Variants in ZNF687 observed in about 807,000 individuals in gnomAD.
The protein encoded by ZNF687 is zinc finger protein 687.
A neutral mutation model predicts 71.8 loss-of-function variants in ZNF687; 13 were observed. The observed-to-expected ratio is 0.18, with a 90% confidence interval of 0.12 to 0.29. The LOEUF is 0.29. Ranked by LOEUF, ZNF687 falls within the 10% of genes least tolerant of loss-of-function variation. ZNF687 has a pLI of 1.00. For missense variants in ZNF687, 1,412 were observed against 1,625.6 expected (o/e 0.87, Z 2.26); for synonymous variants, 673 against 641.6 (o/e 1.05, Z -0.74).
chr1:151,291,828 G>GTAA lies in ZNF687; in HGVS notation c.*628_*630dup, dbSNP rs946237370. The GTAA allele has an allele frequency of 5.9e-5, 9 of 152,538 alleles. No individual in the cohort carries two copies. The highest frequency in any genetic ancestry group is 2.1e-4 in the South Asian group (1 of 4,834). The allele number at this position is 152,538 out of a possible 1,614,324, so 9.4% of individuals were successfully genotyped here. ...CTCTCAGGAATCCTTTATTCTTGTA[G>GTAA]TAATAATAATACTAACAAACAGTTG... On this transcript the variant is annotated 3_prime_UTR_variant, in exon 9 of 9. Coordinates refer to ENST00000336715, the MANE Select transcript of ZNF687 (RefSeq NM_020832.3).
rs1329176287 is a variant in ZNF687, at chr1:151,286,599, C to T, written c.308C>T (p.Ala103Val). 4 of 1,614,088 alleles carry T rather than the reference C, an allele frequency of 2.5e-6. No individual in the cohort carries two copies. Among genetic ancestry groups the T allele is most frequent in the Admixed American group, 3.3e-5 (2 of 60,008 alleles). ...EQSEALAGGS[A>V]GDGAQAAGVT... The stretch of plus-strand genomic sequence containing the variant: ...TCTGAGGCCCTGGCTGGAGGCTCAG[C>T]AGGAGACGGGGCCCAGGCTGCTGGG... Residue 103 changes from alanine (A) to valine (V), a missense_variant, in exon 2 of 9, where the codon GCA becomes GTA. Ala to Val is a moderately conservative substitution (Grantham distance 64). Coordinates refer to ENST00000336715, the MANE Select transcript of ZNF687 (RefSeq NM_020832.3).
chr1:151,284,108 G>A, intron 1 of ZNF687: 7 of 985,340 alleles, frequency 7.1e-6, no homozygotes, highest in Non-Finnish European at 7.2e-6. Context: ...TTGAGGCTAG[G>A]TGAAACTTCC....
intron 3 of ZNF687, among the ~76,000 whole-genome samples, 183 bp from the exon 4 acceptor site, chr1:151,288,912 T>G (rs1366180636): frequency 6.6e-6 from 1 of 152,188 alleles, no homozygotes; most frequent in Non-Finnish European, 1.5e-5. Flanking sequence ...GAGCTCCAGC[T>G]CTCCCTTGGC....
Position 151,289,827 on chromosome 1 carries a change from G to A in ZNF687, c.2784G>A (p.Glu928=), listed in dbSNP as rs775063654. ...AGGAGTCGTCTTCATCTTCAGAAGAGGAGGAAGTACCCAGCTCCCCTGAGC... is the reference window on the plus strand; with the variant it reads ...AGGAGTCGTCTTCATCTTCAGAAGAAGAGGAAGTACCCAGCTCCCCTGAGC... ...ATEESSSSSE[E]EEVPSSPEPP... Residue 928 remains glutamate (E), a synonymous_variant, in exon 6 of 9, where the codon GAG becomes GAA. Coordinates refer to ENST00000336715, the MANE Select transcript of ZNF687 (RefSeq NM_020832.3). The A allele has an allele frequency of 2.0e-5, 31 of 1,569,546 alleles. No homozygotes were observed. The highest frequency in any genetic ancestry group is 2.2e-5 in the Non-Finnish European group (26 of 1,156,782).
chr1:151,283,700 A>T, intron 1 of ZNF687: 1 of 453,358 alleles, frequency 2.2e-6, no homozygotes, highest in Non-Finnish European at 2.9e-6. Flanking sequence ...AACCAGGCTT[A>T]GGAGCCAGGC....
At chr1:151,282,998 C>T (rs1192159111) in intron 1 of ZNF687, 2 of 524,690 alleles carry the variant, frequency 3.8e-6, no homozygotes, top group African/African-American at 2.1e-5. Context: ...CTCCTCCCCT[C>T]TTTCCAGCTC....
chr1:151,286,023 T>G (rs1337812397), intron 1 of ZNF687: 2 of 310,422 alleles, frequency 6.4e-6, no homozygotes, highest in African/African-American at 4.3e-5. Context: ...TTCCCTGTAT[T>G]TCTAAGAACT....
At chr1:151,284,370 G>A (rs1436294190) in intron 1 of ZNF687, 5 of 623,972 alleles carry the variant, frequency 8.0e-6, no homozygotes, top group Middle Eastern at 7.9e-4. Context: ...GGTAGTGAGC[G>A]AGCAGCAGGT....
In ZNF687 at chr1:151,287,371, T is replaced by C; in HGVS notation, c.1080T>C (p.Ala360=). 1 of 1,614,160 alleles carries C rather than the reference T, an allele frequency of 6.2e-7. No homozygotes were observed. The highest frequency in any genetic ancestry group is 1.6e-4 in the Middle Eastern group (1 of 6,062). The change falls in exon 2 of 9, where the codon GCT becomes GCC. Residue 360 remains alanine, a synonymous_variant. Transcript: ENST00000336715. The surrounding 1 kb of genome is among the most constrained non-coding windows in gnomAD (Gnocchi z 5.0). ...ATCCTGATCCACCTGCCCCCTTGGC[T>C]GAGGGGGCCTTCTTGGCTGAGGCTA... ...PSDPDPPAPL[A]EGAFLAEASL...
At chr1:151,290,064 G>T in intron 6 of ZNF687, 57 bp downstream of exon 6, 2 of 1,608,848 alleles carry the variant, frequency 1.2e-6, no homozygotes, top group African/African-American at 1.3e-5. Flanking sequence ...GACTGCCAGT[G>T]TGACAGTGGG....
chr1:151,284,208 G>T (rs1339556503), intron 1 of ZNF687: 3 of 985,260 alleles, frequency 3.0e-6, no homozygotes, highest in Non-Finnish European at 3.6e-6. Context: ...AGAAATGATG[G>T]GTGAGGGTTG....
Position 151,286,365 on chromosome 1 carries a change from AAGCCATC to A in ZNF687, c.75_81del (p.Glu25AspfsTer21), listed in dbSNP as rs756845131. 1 of 1,608,538 alleles carries A rather than the reference AAGCCATC, an allele frequency of 6.2e-7. No individual in the cohort carries two copies. Among genetic ancestry groups the A allele is most frequent in the Non-Finnish European group, 8.5e-7 (1 of 1,178,552 alleles). On this transcript the variant is annotated frameshift_variant, in exon 2 of 9. Coordinates refer to ENST00000336715, the MANE Select transcript of ZNF687 (RefSeq NM_020832.3). LOFTEE classifies it high-confidence loss of function. ...GACATCCCTGACATTGATGCGAATG[AAGCCATC>A]CATTCTGGGCCAGAAGAAAATGAGG...
chr1:151,282,750 C>G (rs1027882196), intron 1 of ZNF687, among the ~76,000 whole-genome samples: 2 of 152,052 alleles, frequency 1.3e-5, no homozygotes, highest in African/African-American at 4.8e-5. Context: ...GGACCTGGGC[C>G]AGGCCGGAGC....
chr1:151,290,181 G>C lies in ZNF687; in HGVS notation c.3024G>C (p.Leu1008=). The C allele has an allele frequency of 1.2e-6, 2 of 1,614,016 alleles. No homozygotes were observed. Among genetic ancestry groups the C allele is most frequent in the Non-Finnish European group, 1.7e-6 (2 of 1,180,034 alleles). Residue 1008 remains leucine (L), a synonymous_variant, in exon 7 of 9, where the codon CTG becomes CTC. Transcript: ENST00000336715. ...CERSFCSAPS[L]RRHVRVNHEG... ...GCTCCTTCTGCTCCGCCCCCAGCCT[G>C]AGGCGCCATGTCAGAGTTAATCACG...
chr1:151,290,753 C>T lies in ZNF687; in HGVS notation c.3258C>T (p.Cys1086=). Residue 1086 remains cysteine, a synonymous_variant, in exon 9 of 9, where the codon TGC becomes TGT. Transcript: ENST00000336715. ...AACGCCGCCAGTCTTCTGACTCTTG[C>T]AGTGAGGAGCCTGACAGCACGACAC... ...GRKRRQSSDS[C]SEEPDSTTPP... 6.2e-7 allele frequency: 1 copy of T among 1,612,166 alleles called. No homozygotes were observed. The highest frequency in any genetic ancestry group is 8.5e-7 in the Non-Finnish European group (1 of 1,179,104).
At chr1:151,282,533 A>G (rs910598708) in intron 1 of ZNF687, 138 bp downstream of exon 1, 12 of 520,744 alleles carry the variant, frequency 2.3e-5, no homozygotes, top group Non-Finnish European at 3.0e-5. Context: ...AGGAAGGCCC[A>G]GACACCGCCT....
intron 1 of ZNF687, chr1:151,283,125 C>T: frequency 1.0e-6 from 1 of 985,456 alleles, no homozygotes; most frequent in Non-Finnish European, 1.2e-6. Context: ...AGAGAAGGGC[C>T]GCGCGCCTCA....
rs751957486 is a variant in ZNF687, at chr1:151,289,825, G to A, written c.2782G>A (p.Glu928Lys). ...TGAGGAGTCGTCTTCATCTTCAGAA[G>A]AGGAGGAAGTACCCAGCTCCCCTGA... ...ATEESSSSSE[E>K]EEVPSSPEPP... The change falls in exon 6 of 9, where the codon GAG becomes AAG. Residue 928 changes from glutamate (E) to lysine (K), a missense_variant. Coordinates refer to ENST00000336715, the MANE Select transcript of ZNF687 (RefSeq NM_020832.3). The A allele has an allele frequency of 4.5e-5, 71 of 1,569,436 alleles. No individual in the cohort carries two copies. Among genetic ancestry groups the A allele is most frequent in the Non-Finnish European group, 6.0e-5 (69 of 1,156,724 alleles).
Position 151,290,536 on chromosome 1 carries a change from G to A in ZNF687, c.3182G>A (p.Gly1061Glu). 6.2e-7 allele frequency: 1 copy of A among 1,613,824 alleles called. No individual in the cohort carries two copies. The change falls in exon 8 of 9, where the codon GGG becomes GAG. Residue 1061 changes from glycine to glutamate, a missense_variant. Coordinates refer to ENST00000336715, the MANE Select transcript of ZNF687 (RefSeq NM_020832.3). ...CTTGGGGCCCAGTCCCCTGGCCGGG[G>A]GACCACCTTGGCTCGGGGTTCCAGT... ...LQLGAQSPGR[G>E]TTLARGSSAR... is the part of the protein sequence containing the mutation.
Sources: gnomAD v4.1 joint callset for allele counts (sites outside exome capture counted in the v4.1 genomes callset) on GRCh38, gnomAD v4.1.1 for gene constraint, Gnocchi (gnomAD v3.1) non-coding constraint, MANE v1.5 for transcripts, NCBI Gene and HGNC (gene_info 2026-07-23, HGNC 2026-07-21) for gene names.